The following UNC5D variants were observed in gnomAD, a reference collection of about 807,000 sequenced individuals.
The protein encoded by UNC5D is netrin receptor UNC5D.
UNC5D carries 39 observed loss-of-function variants against 105.4 expected under a neutral mutation model. The observed-to-expected ratio is 0.37, with a 90% CI of 0.29 to 0.48. The LOEUF (loss-of-function observed/expected upper bound fraction) is 0.48. Among genes scored for constraint, UNC5D ranks in the 20% least tolerant of loss-of-function variants. UNC5D has a pLI of 0.98. For synonymous variants in UNC5D, 452 were observed against 450.4 expected (o/e 1.00, Z -0.04); for missense variants, 991 against 1,202.4 (o/e 0.82, Z 2.60).
At chr8:35,260,271 C>A (rs1002874235) in intron 1 of UNC5D, among the ~76,000 whole-genome samples, 1 of 152,138 alleles carries the variant, frequency 6.6e-6, no homozygotes, top group Admixed American at 6.6e-5. Flanking sequence ...ATACAGTAGA[C>A]ACCTCTGGAG....
chr8:35,788,937 C>T (rs1199883638), intron 16 of UNC5D, among the ~76,000 whole-genome samples: 3 of 151,110 alleles, frequency 2.0e-5, no homozygotes, highest in Admixed American at 6.6e-5. Context: ...CTCTTTCTTG[C>T]CCCTTGTAGT....
chr8:35,595,467 A>G lies in UNC5D; in HGVS notation c.467-87A>G, dbSNP rs985873034. On this transcript the variant is annotated intron_variant, in intron 3 of 16. Coordinates refer to ENST00000404895, the MANE Select transcript of UNC5D (RefSeq NM_080872.4). ...TGTGTGTGTGTGTCTAGGTTGTGAT[A>G]TTAAGCTCACTTTTTTTGTACTTGG... 6 of 1,117,806 alleles carry G rather than the reference A, an allele frequency of 5.4e-6. No homozygotes were observed. In the African/African-American group the frequency reaches 9.2e-5, roughly 17 times the overall value. The allele number at this position is 1,117,806 out of a possible 1,614,324, so 69.2% of individuals were successfully genotyped here.
chr8:35,645,690 T>C (rs1385812527), intron 4 of UNC5D, among the ~76,000 whole-genome samples: 1 of 152,002 alleles, frequency 6.6e-6, no homozygotes, highest in African/African-American at 2.4e-5. Context: ...ACTAGGCTGC[T>C]TTCAAGTAGA....
At chr8:35,332,607 T>C (rs568420304) in intron 1 of UNC5D, among the ~76,000 whole-genome samples, 1 of 152,330 alleles carries the variant, frequency 6.6e-6, no homozygotes, top group Non-Finnish European at 1.5e-5. Flanking sequence ...CATAGGTAAT[T>C]GAGCAATTTA....
At chr8:35,370,050 A>G (rs565053690) in intron 1 of UNC5D, among the ~76,000 whole-genome samples, 1 of 152,160 alleles carries the variant, frequency 6.6e-6, no homozygotes, top group Non-Finnish European at 1.5e-5. Flanking sequence ...CTTGAGGCCA[A>G]GTTGGTGATA....
chr8:35,401,114 C>G (rs1315689660), intron 1 of UNC5D, among the ~76,000 whole-genome samples: 5 of 152,006 alleles, frequency 3.3e-5, no homozygotes, highest in African/African-American at 1.2e-4. Context: ...GTAAAATACT[C>G]ATAATTAAAA....
At chr8:35,665,064 G>A (rs982697812) in intron 4 of UNC5D, among the ~76,000 whole-genome samples, 1 of 151,968 alleles carries the variant, frequency 6.6e-6, no homozygotes, top group Non-Finnish European at 1.5e-5. Flanking sequence ...AAAACTCCAG[G>A]CCTCAAGCCA....
chr8:35,459,278 A>G (rs559308114), intron 1 of UNC5D, among the ~76,000 whole-genome samples: 3 of 152,280 alleles, frequency 2.0e-5, no homozygotes, highest in East Asian at 1.9e-4. Flanking sequence ...TGGCTTGGTC[A>G]GTTAGGTGAG....
At chr8:35,765,371 A>G (rs1801719741) in intron 14 of UNC5D, among the ~76,000 whole-genome samples, 1 of 152,206 alleles carries the variant, frequency 6.6e-6, no homozygotes, top group Non-Finnish European at 1.5e-5. Flanking sequence ...AGTCCGTGAA[A>G]TGCCAGATGG....
chr8:35,333,723 A>T (rs2002360), intron 1 of UNC5D, among the ~76,000 whole-genome samples: 16,214 of 152,112 alleles, frequency 0.11, 1,224 homozygotes, highest in East Asian at 0.35. Flanking sequence ...CAGGTGATCC[A>T]CTAGCCTCTG....
At chr8:35,631,305 C>A (rs1311181724) in intron 4 of UNC5D, among the ~76,000 whole-genome samples, 3 of 104,646 alleles carry the variant, frequency 2.9e-5, no homozygotes, top group Admixed American at 2.3e-4. Flanking sequence ...CAGAGTGAGA[C>A]CCTGTCTCAA....
chr8:35,610,641 G>A (rs576961381), intron 4 of UNC5D, among the ~76,000 whole-genome samples: 1 of 152,132 alleles, frequency 6.6e-6, no homozygotes, highest in East Asian at 1.9e-4. Flanking sequence ...AGAAGAAAAA[G>A]GGACATACAA....
intron 4 of UNC5D, among the ~76,000 whole-genome samples, chr8:35,678,064 C>T (rs1347721805): frequency 6.6e-6 from 1 of 151,918 alleles, no homozygotes; most frequent in East Asian, 1.9e-4. Context: ...TTTGGAAGTC[C>T]TAGAAGCAGA....
chr8:35,292,934 C>T (rs1807188120), intron 1 of UNC5D, among the ~76,000 whole-genome samples: 1 of 152,070 alleles, frequency 6.6e-6, no homozygotes, highest in African/African-American at 2.4e-5. Flanking sequence ...AAGTGATCCA[C>T]CCACCTCGGC....
intron 6 of UNC5D, 40 bp downstream of exon 6, chr8:35,684,789 C>CAACA: frequency 1.9e-6 from 3 of 1,568,328 alleles, no homozygotes; most frequent in Non-Finnish European, 2.6e-6. Context: ...TCTGATCCAC[C>CAACA]AACACTATTA....
rs760409627 is a variant in UNC5D, at chr8:35,767,085, G to A, written c.2478+19G>A. ...CCTAGAGGTGAGTCCTTGATCTACA[G>A]GTCATTTGACCCCCTTTCTGAAGGA... On this transcript the variant is annotated intron_variant, in intron 15 of 16. Transcript: ENST00000404895. The A allele has an allele frequency of 1.3e-6, 2 of 1,592,954 alleles. No individual in the cohort carries two copies. The highest frequency in any genetic ancestry group is 2.3e-5 in the South Asian group (2 of 88,674).
intron 3 of UNC5D, among the ~76,000 whole-genome samples, chr8:35,575,697 C>T (rs961471971): frequency 6.6e-6 from 1 of 152,116 alleles, no homozygotes; most frequent in Non-Finnish European, 1.5e-5. Context: ...GCTTGAAACT[C>T]TCCTTCCTCT....
chr8:35,669,132 A>AGTT (rs1180841399), intron 4 of UNC5D, among the ~76,000 whole-genome samples: 1 of 152,196 alleles, frequency 6.6e-6, no homozygotes, highest in East Asian at 1.9e-4. Flanking sequence ...TTCAAAAAGT[A>AGTT]GTTGAGTAAG....
At chr8:35,444,857 T>A (rs1807669887) in intron 1 of UNC5D, among the ~76,000 whole-genome samples, 1 of 152,056 alleles carries the variant, frequency 6.6e-6, no homozygotes, top group Non-Finnish European at 1.5e-5. Flanking sequence ...AAATTTTAGT[T>A]AGTAATTTTG....
Sources: gnomAD v4.1 joint callset for allele counts (sites outside exome capture counted in the v4.1 genomes callset) on GRCh38, gnomAD v4.1.1 for gene constraint, MANE v1.5 for transcripts, NCBI Gene and HGNC (gene_info 2026-07-23, HGNC 2026-07-21) for gene names.